Variants in SLBP observed in about 807,000 individuals in gnomAD.
The protein encoded by SLBP is stem-loop histone mRNA binding protein.
SLBP carries 29 observed loss-of-function variants against 39.2 expected under a neutral mutation model. The ratio of observed to expected loss-of-function variants is 0.74; its 90% CI spans 0.55 to 1.01. The LOEUF (loss-of-function observed/expected upper bound fraction) is 1.01. Ranked by LOEUF, SLBP falls within the 50% of genes least tolerant of loss-of-function variation. The pLI is 0.00. For synonymous variants in SLBP, 129 were observed against 118.7 expected, an observed-to-expected ratio of 1.09 and a Z score of -0.57; for missense variants, 390 against 350.2, an observed-to-expected ratio of 1.11 and a Z score of -0.91.
intron 3 of SLBP, 156 bp from the exon 4 acceptor site, chr4:1,700,226 T>TCAACC: frequency 2.3e-6 from 1 of 438,082 alleles, no homozygotes; most frequent in Non-Finnish European, 4.0e-6. Flanking sequence ...TCAGTTTAAG[T>TCAACC]AGTGAGATCC....
In SLBP at chr4:1,696,273, T is replaced by A; in HGVS notation, c.558A>T (p.Gln186His). Reference sequence around the variant, plus strand: ...GCAGAGCCACCTTCCAGAGTTTGATTTGCTGGTCCCATGAACGTCGACTAT... The same window carrying A: ...GCAGAGCCACCTTCCAGAGTTTGATATGCTGGTCCCATGAACGTCGACTAT... ...KKYSRRSWDQ[Q>H]IKLWKVALHF... is the part of the protein sequence containing the mutation. The change falls in exon 6 of 8, where the codon CAA becomes CAT. Residue 186 changes from glutamine to histidine, a missense_variant. Physicochemically the swap from Gln to His is conservative, Grantham distance 24. Transcript: ENST00000489418. 4 of 1,605,006 alleles carry A rather than the reference T, an allele frequency of 2.5e-6. No individual in the cohort carries two copies. Among genetic ancestry groups the A allele is most frequent in the Non-Finnish European group, 3.4e-6 (4 of 1,176,518 alleles).
intron 2 of SLBP, among the ~76,000 whole-genome samples, chr4:1,704,715 C>G (rs909033835): frequency 4.6e-5 from 7 of 152,158 alleles, no homozygotes; most frequent in African/African-American, 1.7e-4. Context: ...TTGAGGCTAT[C>G]TCAGGTGGGT....
In SLBP at chr4:1,712,167, G is replaced by A; in HGVS notation, c.22C>T (p.Pro8Ser). The A allele has an allele frequency of 2.4e-6, 3 of 1,235,404 alleles. No individual in the cohort carries two copies. Among genetic ancestry groups the A allele is most frequent in the African/African-American group, 1.6e-5 (1 of 63,914 alleles). The allele number at this position is 1,235,404 out of a possible 1,614,324, so 76.5% of individuals were successfully genotyped here. ...TCGCAGCGGCTCTGATGCCTCGGCG[G>A]GCTTCGCGGGCGGCAGGCCATGGCA... MACRPRS[P>S]PRHQSRCDGD... The change falls in exon 1 of 8, where the codon CCG (proline) becomes TCG (serine). Residue 8 changes from proline (P) to serine (S), a missense_variant. By Grantham distance (74) the Pro-to-Ser change is moderately conservative. Coordinates refer to ENST00000489418, the MANE Select transcript of SLBP (RefSeq NM_006527.4).
intron 3 of SLBP, among the ~76,000 whole-genome samples, chr4:1,703,162 G>A (rs777192835): frequency 9.2e-5 from 14 of 151,582 alleles, no homozygotes; most frequent in African/African-American, 2.4e-4. Flanking sequence ...GCTTGAACCC[G>A]GGAGGCAGAG....
chr4:1,712,307 G>A lies in SLBP; in HGVS notation c.-119C>T, dbSNP rs780698978. The A allele has an allele frequency of 2.4e-4, 134 of 564,190 alleles. No homozygotes were observed. Among genetic ancestry groups the A allele is most frequent in the East Asian group, 4.0e-4 (9 of 22,412 alleles). 34.9% of individuals were successfully genotyped at this position (564,190 alleles called of 1,614,324 possible). ...CAGAAACCCGCGTCCCCGCGCCGGC[G>A]CTCACGAGCTCTGCGCGCCCCGCCC... On this transcript the variant is annotated 5_prime_UTR_variant, in exon 1 of 8. Coordinates refer to ENST00000489418, the MANE Select transcript of SLBP (RefSeq NM_006527.4).
Position 1,703,595 on chromosome 4 carries a change from C to T in SLBP, c.281+1G>A. The T allele has an allele frequency of 6.3e-7, 1 of 1,583,716 alleles. No individual in the cohort carries two copies. Among genetic ancestry groups the T allele is most frequent in the Non-Finnish European group, 8.7e-7 (1 of 1,152,288 alleles). ...ACTTCAAGGTGGTCCAAAATGTGTA[C>T]CTTGCCATTTCTTTGTTAACTCTGG... On this transcript the variant is annotated splice_donor_variant, in intron 3 of 7. Transcript: ENST00000489418. LOFTEE classifies it high-confidence loss of function.
In SLBP at chr4:1,705,317, T is replaced by C. The variant is rs186774889; in HGVS notation, c.177-1617A>G. Among the ~76,000 whole-genome samples, 11 of 152,334 alleles carry C rather than the reference T, an allele frequency of 7.2e-5. No individual in the cohort carries two copies. In the East Asian group the frequency reaches 2.1e-3, roughly 29 times the overall value. Reference sequence around the variant, plus strand: ...CATTCATGATGAGATTACTGATCCATTAACCAGTTGAGAAATGACTGATGC... The same window carrying C: ...CATTCATGATGAGATTACTGATCCACTAACCAGTTGAGAAATGACTGATGC... On this transcript the variant is annotated intron_variant, in intron 2 of 7. Transcript: ENST00000489418.
intron 2 of SLBP, among the ~76,000 whole-genome samples, chr4:1,704,015 T>C (rs563735957): frequency 6.6e-6 from 1 of 152,308 alleles, no homozygotes; most frequent in East Asian, 1.9e-4. Flanking sequence ...ACCTATCAGC[T>C]GCATCTGTCT....
At position 1,712,224 on chromosome 4, in the gene SLBP, G is replaced by C; in HGVS notation, c.-36C>G. The C allele has an allele frequency of 8.1e-7, 1 of 1,231,576 alleles. No homozygotes were observed. The highest frequency in any genetic ancestry group is 1.0e-6 in the Non-Finnish European group (1 of 971,210). 76.3% of individuals were successfully genotyped at this position (1,231,576 alleles called of 1,614,324 possible). On this transcript the variant is annotated 5_prime_UTR_variant, in exon 1 of 8. Coordinates refer to ENST00000489418, the MANE Select transcript of SLBP (RefSeq NM_006527.4). ...GCCGGGCGCGCAGCGCAGGGCCGAG[G>C]CTGAGGCGGCGGCGGCGCGGGCAGA... is the stretch of plus-strand genomic sequence containing the variant.
intron 2 of SLBP, among the ~76,000 whole-genome samples, chr4:1,709,061 C>CTT (rs1716630741): frequency 6.7e-6 from 1 of 148,876 alleles, no homozygotes; most frequent in Non-Finnish European, 1.5e-5. Context: ...AGACCCAAGT[C>CTT]TTTTGTCTTT....
chr4:1,710,335 C>G (rs1033734496), intron 2 of SLBP, among the ~76,000 whole-genome samples: 1 of 152,256 alleles, frequency 6.6e-6, no homozygotes, highest in Admixed American at 6.5e-5. Flanking sequence ...CCATGCCTAG[C>G]TGCTCCAGCC....
At chr4:1,698,498 T>C (rs1174207650) in intron 5 of SLBP, among the ~76,000 whole-genome samples, 1 of 151,688 alleles carries the variant, frequency 6.6e-6, no homozygotes. Context: ...AAAATTGTTT[T>C]TTTTGAGATG....
At chr4:1,699,818 A>G in intron 4 of SLBP, 117 bp from the exon 5 acceptor site, 1 of 1,029,736 alleles carries the variant, frequency 9.7e-7, no homozygotes, top group African/African-American at 1.6e-5. Flanking sequence ...ATTCCCAACC[A>G]TATGAATCCT....
At chr4:1,697,071 T>C (rs1200475589) in intron 5 of SLBP, among the ~76,000 whole-genome samples, 2 of 146,404 alleles carry the variant, frequency 1.4e-5, no homozygotes, top group African/African-American at 5.1e-5. Context: ...GGCAGAAGAA[T>C]TGCTTGAACC....
chr4:1,694,169 G>A (rs1716019859), intron 7 of SLBP, among the ~76,000 whole-genome samples: 1 of 152,170 alleles, frequency 6.6e-6, no homozygotes, highest in Admixed American at 6.5e-5. Flanking sequence ...TGCCACCTCT[G>A]CCTCCCGGGT....
At chr4:1,702,355 A>G (rs137897131) in intron 3 of SLBP, among the ~76,000 whole-genome samples, 3,281 of 152,290 alleles carry the variant, frequency 0.022, 76 homozygotes, top group Non-Finnish European at 0.03. Flanking sequence ...GAAATGACAA[A>G]TAACTCCCCC....
intron 2 of SLBP, among the ~76,000 whole-genome samples, chr4:1,705,949 C>T (rs78824269): frequency 6.6e-6 from 1 of 152,148 alleles, no homozygotes; most frequent in East Asian, 1.9e-4. Context: ...CCTGGCACTG[C>T]ACTCCAGTCT....
chr4:1,699,482 T>C, intron 5 of SLBP, 82 bp downstream of exon 5: 6 of 1,384,072 alleles, frequency 4.3e-6, no homozygotes, highest in African/African-American at 2.8e-5. Flanking sequence ...CCCAGCATCA[T>C]TTGTACTACC....
chr4:1,699,373 C>A (rs529374255), intron 5 of SLBP, among the ~76,000 whole-genome samples, 191 bp downstream of exon 5: 1 of 152,246 alleles, frequency 6.6e-6, no homozygotes, highest in African/African-American at 2.4e-5. Context: ...TTTTTAAAAT[C>A]TTCATGTCTT....
Sources: gnomAD v4.1 joint callset for allele counts (sites outside exome capture counted in the v4.1 genomes callset) on GRCh38, gnomAD v4.1.1 for gene constraint, MANE v1.5 for transcripts, NCBI Gene and HGNC (gene_info 2026-07-23, HGNC 2026-07-21) for gene names.